The following HS1BP3 variants were observed in gnomAD, a reference collection of about 807,000 sequenced individuals.
HS1BP3 encodes HCLS1-binding protein 3.
Under a neutral mutation model 33.5 loss-of-function variants are expected in HS1BP3, and 32 were observed. That is an observed-to-expected ratio of 0.95 (90% CI 0.72 to 1.28). The LOEUF (loss-of-function observed/expected upper bound fraction) is 1.28, where lower values mean the gene tolerates loss of function less well. Ranked by LOEUF, HS1BP3 falls within the 50% of genes most tolerant of loss-of-function variation. The pLI is 0.00. For missense variants in HS1BP3, 486 were observed against 502.3 expected, an observed-to-expected ratio of 0.97 and a Z score of 0.31; for synonymous variants, 187 against 209.2, an observed-to-expected ratio of 0.89 and a Z score of 0.92.
intron 1 of HS1BP3, among the ~76,000 whole-genome samples, chr2:20,650,132 A>T (rs1490298689): frequency 2.6e-5 from 4 of 152,210 alleles, no homozygotes; most frequent in Non-Finnish European, 5.9e-5. Context: ...TTACAAAAGG[A>T]ATCATACCTT....
At chr2:20,565,801 C>T (rs569711741) in intron 5 of HS1BP3, among the ~76,000 whole-genome samples, 8 of 152,290 alleles carry the variant, frequency 5.3e-5, no homozygotes, top group South Asian at 4.1e-4. Flanking sequence ...CAGGATATAG[C>T]GGGACAGCAG....
intron 2 of HS1BP3, among the ~76,000 whole-genome samples, chr2:20,602,978 G>C (rs771169568): frequency 1.4e-4 from 21 of 152,162 alleles, no homozygotes; most frequent in Non-Finnish European, 2.8e-4. Context: ...CACCAAAAAA[G>C]ATGCTCAACA....
At chr2:20,647,832 T>C (rs1044270041) in intron 1 of HS1BP3, among the ~76,000 whole-genome samples, 3 of 152,138 alleles carry the variant, frequency 2.0e-5, no homozygotes, top group Non-Finnish European at 4.4e-5. Context: ...TGCAACCCCC[T>C]GGGGATCCTG....
downstream of HS1BP3, among the ~76,000 whole-genome samples, chr2:20,589,146 A>T (rs149745521): frequency 4.7e-3 from 711 of 152,302 alleles, 5 homozygotes; most frequent in African/African-American, 0.017. Flanking sequence ...CTTTGCATGG[A>T]TGGGTGCATA....
intron 5 of HS1BP3, among the ~76,000 whole-genome samples, chr2:20,566,067 C>T (rs1693119466): frequency 6.6e-6 from 1 of 152,238 alleles, no homozygotes; most frequent in Admixed American, 6.5e-5. Context: ...ACAGCCCACC[C>T]TGCCCCTCTA....
chr2:20,620,670 A>G (rs1399612039), intron 6 of HS1BP3, among the ~76,000 whole-genome samples: 1 of 152,234 alleles, frequency 6.6e-6, no homozygotes, highest in Non-Finnish European at 1.5e-5. Context: ...CCTGGTCCTC[A>G]GTCTCTTCTA....
chr2:20,640,424 T>G, intron 3 of HS1BP3: 1 of 217,544 alleles, frequency 4.6e-6, no homozygotes, highest in Non-Finnish European at 9.0e-6. Flanking sequence ...AGGACACCCA[T>G]GGGAAGGGCT....
intron 5 of HS1BP3, among the ~76,000 whole-genome samples, chr2:20,572,719 T>A (rs1693304251): frequency 6.6e-6 from 1 of 152,248 alleles, no homozygotes; most frequent in African/African-American, 2.4e-5. Flanking sequence ...TCCTTCCTCC[T>A]GTCTCTTCAG....
At chr2:20,616,819 C>T (rs35311387), downstream of HS1BP3, among the ~76,000 whole-genome samples, 36,019 of 152,066 alleles carry the variant, frequency 0.24, 5,068 homozygotes, top group Non-Finnish European at 0.32. Flanking sequence ...AAGAACATCA[C>T]TAACACAGGC....
chr2:20,635,926 T>C (rs1200901466), intron 4 of HS1BP3: 1 of 152,108 alleles, frequency 6.6e-6, no homozygotes, highest in East Asian at 1.9e-4. Flanking sequence ...TCCGGCTTTG[T>C]GCTGGCGACT....
chr2:20,566,342 G>T (rs1376312440), intron 5 of HS1BP3, among the ~76,000 whole-genome samples: 1 of 152,246 alleles, frequency 6.6e-6, no homozygotes, highest in Non-Finnish European at 1.5e-5. Context: ...ACTGCCCAGG[G>T]ATCTGTAGTA....
intron 5 of HS1BP3, among the ~76,000 whole-genome samples, chr2:20,563,505 A>G (rs1293373952): frequency 2.6e-5 from 4 of 152,202 alleles, no homozygotes; most frequent in Non-Finnish European, 4.4e-5. Context: ...AGGAGCTTCT[A>G]CAGGCAAAAG....
chr2:20,638,377 G>T, intron 4 of HS1BP3, 59 bp downstream of exon 4: 1 of 1,498,374 alleles, frequency 6.7e-7, no homozygotes, highest in Non-Finnish European at 9.2e-7. Context: ...GAAGGGGGAC[G>T]TCATCTCCAG....
At chr2:20,607,060 A>AT (rs1284236106) in intron 2 of HS1BP3, among the ~76,000 whole-genome samples, 7 of 151,288 alleles carry the variant, frequency 4.6e-5, no homozygotes, top group Non-Finnish European at 8.8e-5. Context: ...CTTACCCTAT[A>AT]TTTTTATTAA....
At chr2:20,570,006 G>T (rs1157446372) in intron 5 of HS1BP3, among the ~76,000 whole-genome samples, 2 of 152,156 alleles carry the variant, frequency 1.3e-5, no homozygotes, top group Non-Finnish European at 2.9e-5. Context: ...TCTGGCCTCA[G>T]CCTGAGAGAA....
rs376873875 is a variant in HS1BP3 at position 20,628,101 on chromosome 2, G to A, written c.624-3209C>T. ...CCCCTCCTCCGAAGATCTCCTGGCCGACTCCACTGGGCTTGCCACCAGGCC... is the reference window on the plus strand; with the variant it reads ...CCCCTCCTCCGAAGATCTCCTGGCCAACTCCACTGGGCTTGCCACCAGGCC... On this transcript the variant is annotated intron_variant, in intron 4 of 6. Transcript: ENST00000304031. Among the ~76,000 whole-genome samples, 64 of 152,272 alleles carry A rather than the reference G, an allele frequency of 4.2e-4. No homozygotes were observed. The South Asian group carries it at 0.013, about 30-fold the overall frequency.
intron 2 of HS1BP3, among the ~76,000 whole-genome samples, chr2:20,608,018 A>T (rs894969927): frequency 2.6e-5 from 4 of 152,198 alleles, no homozygotes; most frequent in African/African-American, 9.6e-5. Context: ...GTGCTATTGT[A>T]AATTGAATCG....
chr2:20,612,176 G>A (rs1281088109), intron 2 of HS1BP3, among the ~76,000 whole-genome samples: 1 of 152,162 alleles, frequency 6.6e-6, no homozygotes, highest in African/African-American at 2.4e-5. Context: ...GGCACAGAGA[G>A]GTTAAGTAAC....
chr2:20,645,033 A>C (rs1572364855), intron 2 of HS1BP3, among the ~76,000 whole-genome samples: 3 of 152,110 alleles, frequency 2.0e-5, no homozygotes, highest in African/African-American at 7.2e-5. Context: ...CAGCTCAGCC[A>C]CCGCCTCTTC....
Sources: allele counts gnomAD v4.1 joint callset (sites outside exome capture counted in the v4.1 genomes callset), GRCh38; gene constraint gnomAD v4.1.1; transcripts MANE v1.5; gene names NCBI Gene and HGNC (gene_info 2026-07-23, HGNC 2026-07-21).